Variants in IGSF1 observed in about 807,000 individuals in gnomAD.
IGSF1 encodes immunoglobulin-like domain-containing protein 1.
A neutral mutation model predicts 95.3 loss-of-function variants in IGSF1; 40 were observed. That is an observed-to-expected ratio of 0.42 (90% CI 0.33 to 0.55). The LOEUF is 0.55. IGSF1 is among the 20% of genes least tolerant of loss of function. The probability of loss-of-function intolerance (pLI) is 0.10; values close to 1 mark genes in which losing one functional copy is unlikely to be tolerated. For synonymous variants in IGSF1, 372 were observed against 382.9 expected (o/e 0.97, Z 0.33); for missense variants, 906 against 1,025.4 (o/e 0.88, Z 1.59).
At position 131,275,215 on chromosome X, in the gene IGSF1, G is replaced by A; in HGVS notation, c.3256C>T (p.Gln1086Ter). 8.3e-7 allele frequency: 1 copy of A among 1,210,516 alleles called. No homozygotes were observed. The highest frequency in any genetic ancestry group is 1.1e-6 in the Non-Finnish European group (1 of 894,312). The stretch of plus-strand genomic sequence containing the variant: ...GAGTCTGGCAGTTCCCCTTGACACT[G>A]AAGAGTCATATTTTCGCCAGGGGCC... ...MVAPGENMTL[Q>*]CQGELPDSTF... The change falls in exon 17 of 20, where the codon CAG (glutamine) becomes TAG (stop). Residue 1086 changes from glutamine to a stop codon, truncating the protein, a stop_gained. Transcript: ENST00000361420. LOFTEE classifies it high-confidence loss of function.
chrX:131,289,006 G>A, intron 1 of IGSF1: 1 of 275,030 alleles, frequency 3.6e-6, no homozygotes, highest in East Asian at 1.0e-4. Context: ...TATCTACAGT[G>A]CCCAGAGATT....
chrX:131,279,392 G>A, intron 9 of IGSF1, 51 bp from the exon 10 acceptor site: 1 of 1,064,165 alleles, frequency 9.4e-7, no homozygotes, highest in Non-Finnish European at 1.3e-6. Flanking sequence ...GAGGGGGAGG[G>A]TGGAGGAAAG....
intron 7 of IGSF1, 36 bp from the exon 8 acceptor site, chrX:131,281,980 C>A (rs1351128717): frequency 1.7e-6 from 2 of 1,142,994 alleles, no homozygotes; most frequent in South Asian, 2.0e-5. Context: ...GAGAAGTGAC[C>A]TCAAACCCAG....
rs780564497 is a variant in IGSF1, at chrX:131,286,051, G to T, written c.98-3C>A. 8.4e-7 allele frequency: 1 copy of T among 1,186,862 alleles called. No individual in the cohort carries two copies. The highest frequency in any genetic ancestry group is 1.1e-6 in the Non-Finnish European group (1 of 880,529). On this transcript the variant is annotated splice_region_variant and splice_polypyrimidine_tract_variant and intron_variant, in intron 3 of 19. Transcript: ENST00000361420. ...CAACTCTGGTTGAGGGTCCATCACT[G>T]TTATTCCCAAAGATCAAAAAGATAT...
chrX:131,282,047 C>T (rs776405530), intron 7 of IGSF1, 103 bp from the exon 8 acceptor site: 171 of 761,830 alleles, frequency 2.2e-4, no homozygotes, highest in Non-Finnish European at 2.9e-4. Flanking sequence ...TCTTCCTTTC[C>T]ACTTCCACTT....
chrX:131,289,445 C>T (rs1242825505), upstream of IGSF1: 1 of 339,336 alleles, frequency 2.9e-6, no homozygotes, highest in South Asian at 2.6e-5. Flanking sequence ...CCTCTGACGA[C>T]GGGGATTTCT....
At chrX:131,278,349 G>A (rs1465762914) in intron 12 of IGSF1, 112 bp downstream of exon 12, 3 of 681,257 alleles carry the variant, frequency 4.4e-6, no homozygotes, top group East Asian at 3.8e-5. Flanking sequence ...CATGCAGCAC[G>A]AGCCCCTTGG....
intron 4 of IGSF1, 35 bp downstream of exon 4, chrX:131,285,732 C>G: frequency 8.6e-7 from 1 of 1,162,173 alleles, no homozygotes; most frequent in South Asian, 2.0e-5. Flanking sequence ...ATCTCAGGAG[C>G]TGGAGTTGAT....
At position 131,277,256 on chromosome X, in the gene IGSF1, A is replaced by G. The variant is rs756134105; in HGVS notation, c.2321-30T>C. 3 of 1,131,279 alleles carry G rather than the reference A, an allele frequency of 2.7e-6. No individual in the cohort carries two copies. In the African/African-American group the frequency reaches 5.5e-5, roughly 21 times the overall value. The allele number at this position is 1,131,279 out of a possible 1,213,427, so 93.2% of individuals were successfully genotyped here. Reference sequence around the variant, plus strand: ...AAGGCAAAAAACAAAAACAAAAACAAAAAACAAAATACAACACAAAACCAA... The same window carrying G: ...AAGGCAAAAAACAAAAACAAAAACAGAAAACAAAATACAACACAAAACCAA... On this transcript the variant is annotated intron_variant, in intron 13 of 19. Coordinates refer to ENST00000361420, the MANE Select transcript of IGSF1 (RefSeq NM_001555.5).
chrX:131,277,237 A>G lies in IGSF1; in HGVS notation c.2321-11T>C. 1 of 1,132,059 alleles carries G rather than the reference A, an allele frequency of 8.8e-7. No individual in the cohort carries two copies. The highest frequency in any genetic ancestry group is 1.2e-6 in the Non-Finnish European group (1 of 851,449). 93.3% of individuals were successfully genotyped at this position (1,132,059 alleles called of 1,213,427 possible). ...GCTTAGGGTACATTTCTAGAAGGCAAAAAACAAAAACAAAAACAAAAAACA... is the reference window on the plus strand; with the variant it reads ...GCTTAGGGTACATTTCTAGAAGGCAGAAAACAAAAACAAAAACAAAAAACA... On this transcript the variant is annotated splice_polypyrimidine_tract_variant and intron_variant, in intron 13 of 19. Coordinates refer to ENST00000361420, the MANE Select transcript of IGSF1 (RefSeq NM_001555.5).
At chrX:131,285,560 T>C (rs1196104084) in intron 4 of IGSF1, 94 bp from the exon 5 acceptor site, 20 of 970,063 alleles carry the variant, frequency 2.1e-5, no homozygotes, top group Non-Finnish European at 2.6e-5. Context: ...GAGGTTTCCC[T>C]GTATGATCCT....
chrX:131,277,116 A>G lies in IGSF1; in HGVS notation c.2431T>C (p.Tyr811His). Residue 811 changes from tyrosine to histidine, a missense_variant, in exon 14 of 20, where the codon TAC becomes CAC. Tyr to His is a moderately conservative substitution (Grantham distance 83, BLOSUM62 2). Around this residue, in one of 5 missense-constraint regions of IGSF1, gnomAD observed 411 missense variants for 494.9 expected, o/e 0.83. Coordinates refer to ENST00000361420, the MANE Select transcript of IGSF1 (RefSeq NM_001555.5). ...GATGCTATTTCACTTCCATCTTTGTAAAGAATAAAGCTCATATGCTGGTGG... is the reference window on the plus strand; with the variant it reads ...GATGCTATTTCACTTCCATCTTTGTGAAGAATAAAGCTCATATGCTGGTGG... ...TPHQHMSFIL[Y>H]KDGSEIASSD... 3 of 1,211,493 alleles carry G rather than the reference A, an allele frequency of 2.5e-6. No individual in the cohort carries two copies. Among genetic ancestry groups the G allele is most frequent in the Non-Finnish European group, 3.4e-6 (3 of 895,296 alleles).
At chrX:131,281,079 G>A (rs1228291220) in intron 9 of IGSF1, 139 bp downstream of exon 9, 19 of 636,626 alleles carry the variant, frequency 3.0e-5, no homozygotes, top group Non-Finnish European at 7.4e-6. Flanking sequence ...AGACAGGTGG[G>A]GTGAGAAAGT....
At chrX:131,280,950 T>G in intron 9 of IGSF1, 1 of 261,131 alleles carries the variant, frequency 3.8e-6, no homozygotes, top group Non-Finnish European at 6.9e-6. Flanking sequence ...GTGGGCGAGA[T>G]TTGGGCACCC....
At position 131,277,641 on chromosome X, in the gene IGSF1, C is replaced by A. The variant is rs1258264178; in HGVS notation, c.2320+215G>T. Reference sequence around the variant, plus strand: ...ATAATTAGAAAAATTAAATCACCCTCCACGAACCAAAGCTATTAATAACGA... The same window carrying A: ...ATAATTAGAAAAATTAAATCACCCTACACGAACCAAAGCTATTAATAACGA... On this transcript the variant is annotated intron_variant, in intron 13 of 19. Coordinates refer to ENST00000361420, the MANE Select transcript of IGSF1 (RefSeq NM_001555.5). 3.2e-5 allele frequency: 13 copies of A among 405,763 alleles called. No homozygotes were observed. The East Asian group carries it at 5.0e-4, about 16-fold the overall frequency. The allele number at this position is 405,763 out of a possible 1,213,427, so 33.4% of individuals were successfully genotyped here.
chrX:131,278,748 A>G lies in IGSF1; in HGVS notation c.1754T>C (p.Ile585Thr). 2.5e-6 allele frequency: 3 copies of G among 1,205,897 alleles called. No homozygotes were observed. The highest frequency in any genetic ancestry group is 1.8e-5 in the South Asian group (1 of 56,466). ...CNGVLIEETE[I>T]VMPTPKPELW... ...CTCAGGCTTAGGGGTTGGCATGACT[A>G]TTTCTAGAAACAGCAGAATTAATGA... Residue 585 changes from isoleucine (I) to threonine (T), a missense_variant, in exon 12 of 20, where the codon ATA becomes ACA. Ile to Thr is a moderately conservative substitution (Grantham distance 89). This residue lies in a region of IGSF1 where 442 missense variants were observed against 448.1 expected (regional missense o/e 0.99). Transcript: ENST00000361420.
chrX:131,288,944 G>GT (rs746653503), intron 1 of IGSF1: 99 of 235,233 alleles, frequency 4.2e-4, no homozygotes, highest in Admixed American at 8.1e-4. Flanking sequence ...GGGGTGCCGG[G>GT]TACATGCTCA....
At chrX:131,288,468 C>T (rs1378307934) in intron 1 of IGSF1, among the ~76,000 whole-genome samples, 1 of 110,414 alleles carries the variant, frequency 9.1e-6, no homozygotes, top group African/African-American at 3.3e-5. Context: ...TGGGGGAAGC[C>T]AGGTTCCACT....
rs202066467 is a variant in IGSF1 at position 131,283,136 on chromosome X, C to G, written c.796G>C (p.Glu266Gln). Residue 266 changes from glutamate to glutamine, a missense_variant, in exon 6 of 20, where the codon GAG (glutamate) becomes CAG (glutamine). Coordinates refer to ENST00000361420, the MANE Select transcript of IGSF1 (RefSeq NM_001555.5). The stretch of plus-strand genomic sequence containing the variant: ...GTCTTCTTGTGGTAAAAGGACTTCT[C>G]CAAGTCTTCAACCCTCATTAGAGCA... ...TFALMRVEDL[E>Q]KSFYHKKTIK... 8.3e-7 allele frequency: 1 copy of G among 1,211,174 alleles called. No homozygotes were observed.
Sources: allele counts gnomAD v4.1 joint callset (sites outside exome capture counted in the v4.1 genomes callset), GRCh38; gene constraint gnomAD v4.1.1; regional missense constraint gnomAD v4.1.1; transcripts MANE v1.5; gene names NCBI Gene and HGNC (gene_info 2026-07-23, HGNC 2026-07-21).